Variants in OR1J2 observed in about 807,000 individuals in gnomAD.
The protein encoded by OR1J2 is olfactory receptor family 1 subfamily J member 2.
For synonymous variants in OR1J2, 142 were observed against 99.7 expected (o/e 1.42, Z -2.52); for missense variants, 304 against 246.1 (o/e 1.24, Z -1.57).
the OR1J2 span, among the ~76,000 whole-genome samples, chr9:122,496,601 C>G: frequency 6.6e-6 from 1 of 152,044 alleles, no homozygotes; most frequent in South Asian, 2.1e-4. Context: ...GACACGTGCC[C>G]AAGGTGGTCA....
the OR1J2 span, chr9:122,526,636 C>T: frequency 1.9e-6 from 3 of 1,614,018 alleles, no homozygotes; most frequent in Non-Finnish European, 2.5e-6. Flanking sequence ...ATAGCTGGCA[C>T]AATGTGGATG....
At chr9:122,571,251 G>A in the OR1J2 span, among the ~76,000 whole-genome samples, 1 of 152,104 alleles carries the variant, frequency 6.6e-6, no homozygotes, top group Non-Finnish European at 1.5e-5. Context: ...ACAATCAGGT[G>A]GGTAAAACTG....
At chr9:122,545,673 C>A in the OR1J2 span, among the ~76,000 whole-genome samples, 1 of 151,968 alleles carries the variant, frequency 6.6e-6, no homozygotes, top group African/African-American at 2.4e-5. Flanking sequence ...TTATTTCTTA[C>A]CACTGTGTGA....
At chr9:122,551,618 C>T in the OR1J2 span, among the ~76,000 whole-genome samples, 2 of 152,262 alleles carry the variant, frequency 1.3e-5, no homozygotes, top group East Asian at 3.9e-4. Context: ...ACTGCATTGC[C>T]AGCAAGAGGC....
At chr9:122,540,330 A>G in the OR1J2 span, among the ~76,000 whole-genome samples, 1 of 152,228 alleles carries the variant, frequency 6.6e-6, no homozygotes, top group African/African-American at 2.4e-5. Flanking sequence ...AGCTTTCTAC[A>G]TATGGCTAGC....
chr9:122,553,268 A>G, the OR1J2 span: 2 of 1,613,458 alleles, frequency 1.2e-6, no homozygotes, highest in Non-Finnish European at 1.7e-6. Flanking sequence ...TCCTTCTAGG[A>G]CTCTCTGAGT....
At chr9:122,476,170 T>C in the OR1J2 span, among the ~76,000 whole-genome samples, 3 of 152,220 alleles carry the variant, frequency 2.0e-5, no homozygotes, top group Non-Finnish European at 4.4e-5. Context: ...AAAGGAAGTG[T>C]GGGCTATATT....
the OR1J2 span, among the ~76,000 whole-genome samples, chr9:122,531,592 G>A: frequency 6.6e-6 from 1 of 152,188 alleles, no homozygotes. Flanking sequence ...TTCTGAGAAG[G>A]GAAAGTGGTA....
chr9:122,450,446 A>G, the OR1J2 span, among the ~76,000 whole-genome samples: 1 of 152,324 alleles, frequency 6.6e-6, no homozygotes, highest in African/African-American at 2.4e-5. Flanking sequence ...AAAATCTTTA[A>G]AAAGTTTTAT....
the OR1J2 span, among the ~76,000 whole-genome samples, chr9:122,516,868 C>T: frequency 6.6e-6 from 1 of 152,158 alleles, no homozygotes; most frequent in Non-Finnish European, 1.5e-5. Flanking sequence ...ATTGCTGTTT[C>T]TGGCCTTTGC....
chr9:122,519,110 CT>C, the OR1J2 span: 1 of 1,470,974 alleles, frequency 6.8e-7, no homozygotes, highest in Non-Finnish European at 9.3e-7. Context: ...TTCAATGTCC[CT>C]CTATTTCCAG....
chr9:122,526,551 A>G, the OR1J2 span: 1 of 1,612,378 alleles, frequency 6.2e-7, no homozygotes, highest in Non-Finnish European at 8.5e-7. Context: ...CCCATAGAAC[A>G]CACAAACAAC....
chr9:122,526,283 G>T, the OR1J2 span: 2 of 826,916 alleles, frequency 2.4e-6, no homozygotes, highest in South Asian at 2.8e-5. Context: ...GCTAGTGTGT[G>T]GTAGACCCCA....
the OR1J2 span, among the ~76,000 whole-genome samples, chr9:122,544,541 C>T: frequency 6.6e-6 from 1 of 151,538 alleles, no homozygotes; most frequent in Non-Finnish European, 1.5e-5. Flanking sequence ...CTGCCTCACC[C>T]TCCCTAGTAG....
the OR1J2 span, among the ~76,000 whole-genome samples, chr9:122,496,071 C>T: frequency 2.0e-5 from 3 of 152,166 alleles, no homozygotes; most frequent in African/African-American, 7.2e-5. Flanking sequence ...GTACCAGCAC[C>T]TGCTCTGGTG....
the OR1J2 span, among the ~76,000 whole-genome samples, chr9:122,451,799 G>A: frequency 1.3e-5 from 2 of 152,164 alleles, no homozygotes; most frequent in African/African-American, 4.8e-5. Context: ...CATAACTGGT[G>A]TAATTACTGG....
At chr9:122,459,367 A>G in the OR1J2 span, among the ~76,000 whole-genome samples, 5 of 152,202 alleles carry the variant, frequency 3.3e-5, no homozygotes, top group South Asian at 2.1e-4. Flanking sequence ...AGGAATTTAC[A>G]TATGTTTCTA....
At chr9:122,458,002 C>G in the OR1J2 span, among the ~76,000 whole-genome samples, 1 of 151,952 alleles carries the variant, frequency 6.6e-6, no homozygotes, top group African/African-American at 2.4e-5. Context: ...TCATTTTTTG[C>G]TGTGTTTAAT....
At chr9:122,513,773 A>T (rs1828667739), downstream of OR1J2, among the ~76,000 whole-genome samples, 1 of 151,860 alleles carries the variant, frequency 6.6e-6, no homozygotes, top group African/African-American at 2.4e-5. Flanking sequence ...ACTCCCACTT[A>T]TGATTCACAA....
Sources: gnomAD v4.1 joint callset for allele counts (sites outside exome capture counted in the v4.1 genomes callset) on GRCh38, gnomAD v4.1.1 for gene constraint, MANE v1.5 for transcripts, NCBI Gene and HGNC (gene_info 2026-07-23, HGNC 2026-07-21) for gene names.